Variants in CDK13 observed in about 807,000 individuals in gnomAD.
CDK13 encodes the protein cyclin-dependent kinase 13.
CDK13 carries 40 observed loss-of-function variants against 137.6 expected under a neutral mutation model. The ratio of observed to expected loss-of-function variants is 0.29; its 90% confidence interval spans 0.23 to 0.38. CDK13 has a LOEUF of 0.38. Ranked by LOEUF, CDK13 falls within the 10% of genes least tolerant of loss-of-function variation. CDK13 has a pLI of 1.00. For missense variants in CDK13, 1,704 were observed against 1,951.8 expected, an observed-to-expected ratio of 0.87 and a Z score of 2.39; for synonymous variants, 869 against 760.1, an observed-to-expected ratio of 1.14 and a Z score of -2.36.
At chr7:40,043,087 C>CT (rs1278715614) in intron 5 of CDK13, among the ~76,000 whole-genome samples, 1 of 152,164 alleles carries the variant, frequency 6.6e-6, no homozygotes, top group East Asian at 1.9e-4. Flanking sequence ...CATCATTTGC[C>CT]TTTTATCTCT....
intron 11 of CDK13, among the ~76,000 whole-genome samples, chr7:40,085,423 CAAA>C (rs1392435178): frequency 6.6e-6 from 1 of 150,928 alleles, no homozygotes; most frequent in African/African-American, 2.4e-5. Flanking sequence ...TGGGAGGGAA[CAAA>C]AGCCCTTTTT....
intron 10 of CDK13, 55 bp downstream of exon 10, chr7:40,078,176 A>G (rs1584077711): frequency 1.2e-6 from 1 of 844,364 alleles, no homozygotes; most frequent in East Asian, 2.6e-5. Flanking sequence ...CTTTAATTCT[A>G]GTGAATTATA....
chr7:39,975,884 C>A (rs2116210825), intron 1 of CDK13, among the ~76,000 whole-genome samples: 1 of 152,294 alleles, frequency 6.6e-6, no homozygotes, highest in South Asian at 2.1e-4. Context: ...TAAGCAAGGA[C>A]ATGGCATAAT....
intron 9 of CDK13, among the ~76,000 whole-genome samples, chr7:40,076,091 GT>G (rs1786539079): frequency 1.3e-5 from 2 of 152,170 alleles, no homozygotes; most frequent in African/African-American, 4.8e-5. Flanking sequence ...CCTAACTTAA[GT>G]TTTCTTGTAT....
At position 39,951,672 on chromosome 7, in the gene CDK13, C is replaced by T. The variant is rs748581956; in HGVS notation, c.1031C>T (p.Ala344Val). The change falls in exon 1 of 14, where the codon GCA becomes GTA. Residue 344 changes from alanine to valine, a missense_variant. Physicochemically the swap from Ala to Val is moderately conservative, Grantham distance 64 (BLOSUM62 0). This residue lies in a region of CDK13 where 1,051 missense variants were observed against 931.0 expected (regional missense o/e 1.13). Coordinates refer to ENST00000181839, the MANE Select transcript of CDK13 (RefSeq NM_003718.5). ...AGGAGCCGCAAGTCCCCCAGCCCGG[C>T]AGGAGGTGGCAGCAGCCCCTATTCT... ...SLRSRKSPSP[A>V]GGGSSPYSRR... 2.0e-6 allele frequency: 3 copies of T among 1,469,418 alleles called. No individual in the cohort carries two copies. The East Asian group carries it at 8.0e-5, about 39-fold the overall frequency. 91.0% of individuals were successfully genotyped at this position (1,469,418 alleles called of 1,614,324 possible). A position where few individuals can be genotyped will look rare whatever the true frequency, so the allele number is the denominator to read the frequency against.
chr7:40,066,545 C>T (rs1263178988), intron 9 of CDK13: 3 of 152,140 alleles, frequency 2.0e-5, no homozygotes, highest in Non-Finnish European at 4.4e-5. Flanking sequence ...ATTATAATTA[C>T]ATAGTTTAAG....
intron 5 of CDK13, among the ~76,000 whole-genome samples, chr7:40,036,173 T>TACACACACACACACACAC (rs70996875): frequency 6.7e-6 from 1 of 149,028 alleles, no homozygotes; most frequent in Non-Finnish European, 1.5e-5. Flanking sequence ...ATAAATAAAT[T>TACACACACACACACACAC]ACACACACAC....
intron 11 of CDK13, among the ~76,000 whole-genome samples, chr7:40,087,652 C>G (rs939108652): frequency 6.7e-6 from 1 of 150,160 alleles, no homozygotes; most frequent in Non-Finnish European, 1.5e-5. Context: ...GGGTTCATGC[C>G]ATTCTCCTGC....
chr7:39,992,486 G>A (rs1434961644), intron 2 of CDK13, among the ~76,000 whole-genome samples: 4 of 151,838 alleles, frequency 2.6e-5, no homozygotes, highest in Non-Finnish European at 5.9e-5. Context: ...ATGAGCCACC[G>A]CTCCCAGCTG....
rs1016129325 is a variant in CDK13, at chr7:39,997,770, T to C, written c.2042+106T>C. On this transcript the variant is annotated intron_variant, in intron 3 of 13. Transcript: ENST00000181839. The stretch of plus-strand genomic sequence containing the variant: ...AGGTTTAAAATAAAAAATGTACTTA[T>C]TCTTTCAACTTAAATATATGAATTC... 46 of 781,980 alleles carry C rather than the reference T, an allele frequency of 5.9e-5. 1 individual carries two copies. The highest frequency in any genetic ancestry group is 5.0e-4 in the Admixed American group (16 of 31,864). 48.4% of individuals were successfully genotyped at this position (781,980 alleles called of 1,614,324 possible). A position where few individuals can be genotyped will look rare whatever the true frequency, so the allele number is the denominator to read the frequency against.
chr7:40,047,761 G>A, intron 6 of CDK13, 60 bp from the exon 7 acceptor site: 1 of 1,085,480 alleles, frequency 9.2e-7, no homozygotes, highest in Non-Finnish European at 1.4e-6. Context: ...GAATATAAAT[G>A]TGTATTGTCA....
At chr7:40,058,000 A>G (rs1193642121) in intron 7 of CDK13, among the ~76,000 whole-genome samples, 3 of 152,244 alleles carry the variant, frequency 2.0e-5, no homozygotes, top group Admixed American at 2.0e-4. Flanking sequence ...AGTGCTACAA[A>G]GCAAATAAAA....
intron 5 of CDK13, among the ~76,000 whole-genome samples, chr7:40,032,209 A>G (rs1268613190): frequency 6.6e-6 from 1 of 152,136 alleles, no homozygotes; most frequent in Admixed American, 6.5e-5. Context: ...GGCGCATGCC[A>G]CTGCACCTGG....
At chr7:40,011,402 A>G (rs973660755) in intron 5 of CDK13, among the ~76,000 whole-genome samples, 1 of 152,228 alleles carries the variant, frequency 6.6e-6, no homozygotes, top group African/African-American at 2.4e-5. Context: ...ACAAAGCTAG[A>G]GTGCTCAAGA....
chr7:40,040,268 T>C (rs966732229), intron 5 of CDK13, among the ~76,000 whole-genome samples: 2 of 152,218 alleles, frequency 1.3e-5, no homozygotes, highest in African/African-American at 4.8e-5. Flanking sequence ...GCTATTCAGT[T>C]ATCCCAATAC....
In CDK13 at chr7:40,042,201, C is replaced by T. The variant is rs144489389; in HGVS notation, c.2354-3635C>T. Among the ~76,000 whole-genome samples the T allele has an allele frequency of 6.1e-3, 920 of 152,044 alleles. 7 individuals are homozygous for T. The highest frequency in any genetic ancestry group is 0.02 in the African/African-American group (821 of 41,470). On this transcript the variant is annotated intron_variant, in intron 5 of 13. Transcript: ENST00000181839. ...TTCAAGTGATTCTCCTCGTCAGCCT[C>T]CCGAGTAGCTGGGATTACAGGCTTG...
chr7:40,020,315 ACCT>A (rs1785087039), intron 5 of CDK13, among the ~76,000 whole-genome samples: 1 of 150,970 alleles, frequency 6.6e-6, no homozygotes, highest in Non-Finnish European at 1.5e-5. Context: ...CAATCCTCCC[ACCT>A]CCTCCCGGCA....
rs201829052 is a variant in CDK13 at position 40,093,033 on chromosome 7, T to C, written c.3484T>C (p.Ser1162Pro). The change falls in exon 13 of 14, where the codon TCT becomes CCT. Residue 1162 changes from serine (S) to proline (P), a missense_variant. This residue lies in a region of CDK13 where 475 missense variants were observed against 579.3 expected (regional missense o/e 0.82). Coordinates refer to ENST00000181839, the MANE Select transcript of CDK13 (RefSeq NM_003718.5). ...GAAACCGTTGGGAGGAATTCAGCCT[T>C]CTTCTCAGACCATCCAGCCTAAAGT... ...SSKPLGGIQP[S>P]SQTIQPKVET... 2.4e-5 allele frequency: 39 copies of C among 1,614,090 alleles called. No homozygotes were observed. Among genetic ancestry groups the C allele is most frequent in the Admixed American group, 3.3e-5 (2 of 59,998 alleles).
At chr7:39,999,619 T>C in intron 4 of CDK13, 119 bp downstream of exon 4, 1 of 977,254 alleles carries the variant, frequency 1.0e-6, no homozygotes. Flanking sequence ...TATTGTGCTT[T>C]TGTTTCATCT....
Sources: gnomAD v4.1 joint callset for allele counts (sites outside exome capture counted in the v4.1 genomes callset) on GRCh38, gnomAD v4.1.1 for gene constraint, gnomAD v4.1.1 regional missense constraint, MANE v1.5 for transcripts, NCBI Gene and HGNC (gene_info 2026-07-23, HGNC 2026-07-21) for gene names.